NRG1: variants seen among roughly 807,000 people sequenced by gnomAD.
NRG1 encodes the protein neuregulin 1.
In NRG1, 18 loss-of-function variants were observed where a neutral mutation model predicts 63.8. That is an observed-to-expected ratio of 0.28 (90% CI 0.19 to 0.42). The LOEUF (loss-of-function observed/expected upper bound fraction) is 0.42, where lower values mean the gene tolerates loss of function less well. Among genes scored for constraint, NRG1 ranks in the 10% least tolerant of loss-of-function variants. The pLI, the probability that NRG1 is intolerant of heterozygous loss-of-function variation, is 1.00. For synonymous variants in NRG1, 302 were observed against 301.3 expected, an observed-to-expected ratio of 1.00 and a Z score of -0.02; for missense variants, 762 against 814.7, an observed-to-expected ratio of 0.94 and a Z score of 0.79.
intron 1 of NRG1, among the ~76,000 whole-genome samples, chr8:31,772,328 C>A (rs1242406429): frequency 1.3e-5 from 2 of 152,108 alleles, no homozygotes; most frequent in Non-Finnish European, 2.9e-5. Context: ...CACGGAAAGA[C>A]CTGTCTTCTG....
At chr8:32,610,883 C>T (rs1041399894) in intron 3 of NRG1, among the ~76,000 whole-genome samples, 8 of 151,974 alleles carry the variant, frequency 5.3e-5, no homozygotes, top group Admixed American at 1.3e-4. Flanking sequence ...TTCATGAATT[C>T]GTATATGACA....
chr8:32,151,694 G>A (rs1486953992), intron 1 of NRG1, among the ~76,000 whole-genome samples: 2 of 152,170 alleles, frequency 1.3e-5, no homozygotes, highest in Non-Finnish European at 2.9e-5. Context: ...AATCTGAGCA[G>A]GGGGAACCTG....
Position 32,722,109 on chromosome 8 carries a change from G to A in NRG1, c.503-5840G>A, listed in dbSNP as rs1403145101. 6.9e-6 allele frequency: 9 copies of A among 1,301,792 alleles called. No homozygotes were observed. In the African/African-American group the frequency reaches 7.5e-5, roughly 11 times the overall value. The allele number at this position is 1,301,792 out of a possible 1,614,324, so 80.6% of individuals were successfully genotyped here. On this transcript the variant is annotated intron_variant, in intron 5 of 11. Transcript: ENST00000356819. The stretch of plus-strand genomic sequence containing the variant: ...TTTAATATTCAAACATTTAAAATGT[G>A]CATATTTTATTAAGCAAATGGCGTA...
chr8:31,939,181 A>G (rs189488648), intron 1 of NRG1, among the ~76,000 whole-genome samples: 1 of 152,330 alleles, frequency 6.6e-6, no homozygotes, highest in African/African-American at 2.4e-5. Context: ...CAGGTAACCT[A>G]TGAAGAAATA....
chr8:32,499,814 C>T (rs1435223293), intron 1 of NRG1, among the ~76,000 whole-genome samples: 3 of 152,190 alleles, frequency 2.0e-5, no homozygotes, highest in African/African-American at 7.2e-5. Flanking sequence ...GTGGTCCAAA[C>T]TACGGTAGTG....
intron 1 of NRG1, among the ~76,000 whole-genome samples, chr8:32,190,546 C>T (rs1270131467): frequency 1.3e-5 from 2 of 152,190 alleles, no homozygotes; most frequent in African/African-American, 4.8e-5. Context: ...ATTAAGTACT[C>T]TGAAGAGCAA....
At chr8:31,985,403 G>A (rs748309204) in intron 1 of NRG1, among the ~76,000 whole-genome samples, 3 of 152,040 alleles carry the variant, frequency 2.0e-5, no homozygotes, top group Non-Finnish European at 4.4e-5. Context: ...AGTTCTTTCA[G>A]TTGAATACAC....
At chr8:32,288,496 C>T (rs1853809501) in intron 1 of NRG1, among the ~76,000 whole-genome samples, 3 of 151,976 alleles carry the variant, frequency 2.0e-5, no homozygotes, top group Admixed American at 1.3e-4. Flanking sequence ...TTTGTTTATT[C>T]AATTTGGAAA....
intron 1 of NRG1, among the ~76,000 whole-genome samples, chr8:31,887,671 T>TTAGGTCTATAGG (rs1830825391): frequency 6.6e-6 from 1 of 151,972 alleles, no homozygotes; most frequent in South Asian, 2.1e-4. Context: ...TTAAGAGAAG[T>TTAGGTCTATAGG]TAGGTCTATA....
intron 1 of NRG1, among the ~76,000 whole-genome samples, chr8:31,922,929 G>A (rs1834034511): frequency 6.6e-6 from 1 of 152,158 alleles, no homozygotes; most frequent in Admixed American, 6.5e-5. Context: ...GCATAGAGCT[G>A]GGGAAGCAAA....
intron 5 of NRG1, chr8:32,647,519 A>G: frequency 1.0e-6 from 1 of 985,194 alleles, no homozygotes; most frequent in South Asian, 4.7e-5. Context: ...AATTATTACG[A>G]TATACTTTGA....
At chr8:32,771,882 G>C (rs1007445009), downstream of NRG1, among the ~76,000 whole-genome samples, 8 of 147,346 alleles carry the variant, frequency 5.4e-5, no homozygotes, top group Non-Finnish European at 9.0e-5. Context: ...AATTAGCCGG[G>C]CGTGGTGGCA....
Position 31,759,532 on chromosome 8 carries a change from C to T in NRG1, c.37+120101C>T, listed in dbSNP as rs373416025. On this transcript the variant is annotated intron_variant, in intron 1 of 10. Transcript: ENST00000519301. ...TTGCACTGGTGCCTTTTACAAAAGC[C>T]ATAAGTCACTTATATAAGTGTGAGT... Among the ~76,000 whole-genome samples the T allele has an allele frequency of 1.3e-3, 195 of 152,120 alleles. 2 individuals carry two copies. The highest frequency in any genetic ancestry group is 4.4e-3 in the African/African-American group (181 of 41,524).
intron 1 of NRG1, among the ~76,000 whole-genome samples, chr8:31,810,155 C>G (rs1041206515): frequency 1.3e-5 from 2 of 152,118 alleles, no homozygotes; most frequent in African/African-American, 4.8e-5. Flanking sequence ...CAAACAAATA[C>G]CATATCTGAC....
intron 1 of NRG1, among the ~76,000 whole-genome samples, chr8:32,284,044 T>C (rs946313026): frequency 6.6e-6 from 1 of 152,156 alleles, no homozygotes; most frequent in African/African-American, 2.4e-5. Flanking sequence ...GAGAGTCTCT[T>C]GGGCCACTTT....
Position 32,345,110 on chromosome 8 carries a change from A to G in NRG1, c.38-250718A>G, listed in dbSNP as rs113460244. On this transcript the variant is annotated intron_variant, in intron 1 of 10. Coordinates refer to the NRG1 transcript ENST00000519301. ...ATCATTTCTGCTGACATCTATGTTG[A>G]TGCAGTTCTAGAGTCATCTGTGTCC... 1.5e-3 allele frequency among the ~76,000 whole-genome samples: 234 copies of G among 152,304 alleles called. 2 individuals carry two copies. The highest frequency in any genetic ancestry group is 5.4e-3 in the African/African-American group (225 of 41,562).
At chr8:31,802,775 A>G (rs946952023) in intron 1 of NRG1, among the ~76,000 whole-genome samples, 14 of 152,348 alleles carry the variant, frequency 9.2e-5, no homozygotes, top group Admixed American at 5.9e-4. Flanking sequence ...GAGTGATTGA[A>G]TAAAACAGGC....
At chr8:31,701,849 A>C (rs1229878530) in intron 1 of NRG1, among the ~76,000 whole-genome samples, 1 of 152,218 alleles carries the variant, frequency 6.6e-6, no homozygotes, top group Non-Finnish European at 1.5e-5. Flanking sequence ...ATCACCTGGC[A>C]ATCTTGTAAA....
chr8:31,881,786 C>G (rs1455325704), intron 1 of NRG1, among the ~76,000 whole-genome samples: 1 of 152,144 alleles, frequency 6.6e-6, no homozygotes, highest in African/African-American at 2.4e-5. Context: ...ACAACATTCT[C>G]TTAAGCCAAA....
Sources: gnomAD v4.1 joint callset for allele counts (sites outside exome capture counted in the v4.1 genomes callset) on GRCh38, gnomAD v4.1.1 for gene constraint, MANE v1.5 for transcripts, NCBI Gene and HGNC (gene_info 2026-07-23, HGNC 2026-07-21) for gene names.